The following ZFPM2 variants were observed in gnomAD, a reference collection of about 807,000 sequenced individuals.
ZFPM2 encodes the protein zinc finger protein ZFPM2.
In ZFPM2, 20 loss-of-function variants were observed where a neutral mutation model predicts 98.6. The ratio of observed to expected loss-of-function variants is 0.20; its 90% confidence interval spans 0.14 to 0.29. The LOEUF (loss-of-function observed/expected upper bound fraction) is 0.29. ZFPM2 is among the 10% of genes least tolerant of loss of function. ZFPM2 has a pLI of 1.00. For missense variants in ZFPM2, 1,310 were observed against 1,388.6 expected (o/e 0.94, Z 0.90); for synonymous variants, 518 against 502.7 (o/e 1.03, Z -0.41).
At chr8:105,345,043 G>A (rs372470350) in intron 1 of ZFPM2, among the ~76,000 whole-genome samples, 1 of 152,180 alleles carries the variant, frequency 6.6e-6, no homozygotes, top group East Asian at 1.9e-4. Flanking sequence ...TATGGCAAAG[G>A]TAAAAAGGCT....
intron 5 of ZFPM2, chr8:105,787,693 G>C (rs1813459650): frequency 6.6e-6 from 1 of 151,878 alleles, no homozygotes; most frequent in East Asian, 1.9e-4. Context: ...AGTTTTGGCT[G>C]CTTAATGAGT....
chr8:105,724,556 A>T (rs1811759862), intron 5 of ZFPM2, among the ~76,000 whole-genome samples: 1 of 151,918 alleles, frequency 6.6e-6, no homozygotes, highest in Non-Finnish European at 1.5e-5. Flanking sequence ...CATGGAGATG[A>T]TTAGCATCAC....
At chr8:105,702,962 T>C (rs1811172964) in intron 5 of ZFPM2, among the ~76,000 whole-genome samples, 2 of 152,150 alleles carry the variant, frequency 1.3e-5, no homozygotes, top group African/African-American at 4.8e-5. Context: ...CTAAAATAAT[T>C]ATGCCAGTTC....
intron 1 of ZFPM2, among the ~76,000 whole-genome samples, chr8:105,392,608 A>G (rs1811131433): frequency 6.6e-6 from 1 of 152,212 alleles, no homozygotes. Context: ...AACAACTAAC[A>G]TATAATCTGA....
rs569725311 is a variant in ZFPM2, at chr8:105,493,711, G to T, written c.301+49330G>T. On this transcript the variant is annotated intron_variant, in intron 3 of 7. Transcript: ENST00000407775. The stretch of plus-strand genomic sequence containing the variant: ...TTAATATGTCTCCCATAGATAGATA[G>T]ATCTATCAATAGTCAGACAAGCAGT... Among the ~76,000 whole-genome samples the T allele has an allele frequency of 9.9e-5, 15 of 152,240 alleles. 1 individual carries two copies. Among genetic ancestry groups the T allele is most frequent in the African/African-American group, 3.6e-4 (15 of 41,524 alleles).
intron 5 of ZFPM2, among the ~76,000 whole-genome samples, chr8:105,767,503 A>C (rs1431081546): frequency 1.3e-5 from 2 of 151,946 alleles, no homozygotes; most frequent in Non-Finnish European, 1.5e-5. Context: ...AAGCATAAAA[A>C]ATGAAACAGT....
At chr8:105,441,911 G>A (rs1233781135) in intron 2 of ZFPM2, among the ~76,000 whole-genome samples, 7 of 152,118 alleles carry the variant, frequency 4.6e-5, no homozygotes, top group South Asian at 2.1e-4. Flanking sequence ...CAGGGCTAGC[G>A]TCTATGTAAC....
chr8:105,679,334 G>A (rs2130918118), intron 5 of ZFPM2, among the ~76,000 whole-genome samples: 2 of 152,234 alleles, frequency 1.3e-5, no homozygotes, highest in South Asian at 4.2e-4. Flanking sequence ...TCTTTGCCGG[G>A]AGTTCATGTC....
chr8:105,780,713 C>G (rs1813224223), intron 5 of ZFPM2: 1 of 152,252 alleles, frequency 6.6e-6, no homozygotes, highest in Non-Finnish European at 1.5e-5. Flanking sequence ...GAAACCCCGT[C>G]CCTACTAAGA....
At chr8:105,759,936 C>T (rs923220558) in intron 5 of ZFPM2, among the ~76,000 whole-genome samples, 10 of 152,036 alleles carry the variant, frequency 6.6e-5, no homozygotes, top group East Asian at 1.9e-4. Flanking sequence ...TGCTAGTGAA[C>T]GAAACAGACA....
At chr8:105,517,206 A>G (rs1161105978) in intron 3 of ZFPM2, among the ~76,000 whole-genome samples, 2 of 152,206 alleles carry the variant, frequency 1.3e-5, no homozygotes, top group Non-Finnish European at 2.9e-5. Context: ...ATTGTCAAGG[A>G]TAACAGTGGT....
intron 5 of ZFPM2, among the ~76,000 whole-genome samples, chr8:105,702,878 T>G (rs1022792322): frequency 5.3e-5 from 8 of 152,036 alleles, no homozygotes; most frequent in Non-Finnish European, 1.0e-4. Flanking sequence ...GAGCCAAGAG[T>G]CACAAATGTT....
At chr8:105,784,107 A>C (rs1813341631) in intron 5 of ZFPM2, among the ~76,000 whole-genome samples, 1 of 152,160 alleles carries the variant, frequency 6.6e-6, no homozygotes, top group Non-Finnish European at 1.5e-5. Context: ...ACATAAGGTC[A>C]AAGGGTACAA....
chr8:105,319,175 C>A (rs1386235476), intron 1 of ZFPM2, among the ~76,000 whole-genome samples, 194 bp downstream of exon 1: 1 of 152,102 alleles, frequency 6.6e-6, no homozygotes, highest in Admixed American at 6.5e-5. Context: ...GCCCGAGCCT[C>A]GGGCAGGAGA....
chr8:105,639,989 T>C (rs1816920476), intron 5 of ZFPM2, among the ~76,000 whole-genome samples: 1 of 152,010 alleles, frequency 6.6e-6, no homozygotes. Context: ...ATATTATTAA[T>C]ACTAATAATA....
chr8:105,349,593 A>T (rs1469821527), intron 1 of ZFPM2, among the ~76,000 whole-genome samples: 3 of 152,184 alleles, frequency 2.0e-5, no homozygotes, highest in Non-Finnish European at 2.9e-5. Flanking sequence ...GAAACTTAAG[A>T]TGATTTAAGA....
chr8:105,775,077 TAAAAA>T (rs397968210), intron 5 of ZFPM2, among the ~76,000 whole-genome samples: 1 of 104,932 alleles, frequency 9.5e-6, no homozygotes, highest in Admixed American at 1.0e-4. Flanking sequence ...CTCTTGGAAT[TAAAAA>T]AAAAAAAAAA....
At chr8:105,380,227 C>A (rs1344817715) in intron 1 of ZFPM2, among the ~76,000 whole-genome samples, 1 of 152,044 alleles carries the variant, frequency 6.6e-6, no homozygotes, top group Non-Finnish European at 1.5e-5. Flanking sequence ...ATATTTCTAA[C>A]ACACAGTAAT....
chr8:105,749,344 C>A (rs1249251826), intron 5 of ZFPM2, among the ~76,000 whole-genome samples: 1 of 151,962 alleles, frequency 6.6e-6, no homozygotes, highest in South Asian at 2.1e-4. Context: ...CCCTTGCATG[C>A]CATGAGAGCA....
Sources: gnomAD v4.1 joint callset for allele counts (sites outside exome capture counted in the v4.1 genomes callset) on GRCh38, gnomAD v4.1.1 for gene constraint, MANE v1.5 for transcripts, NCBI Gene and HGNC (gene_info 2026-07-23, HGNC 2026-07-21) for gene names.